IL10RB: variants seen among roughly 807,000 people sequenced by gnomAD.
The protein encoded by IL10RB is interleukin 10 receptor subunit beta.
In IL10RB, 30 loss-of-function variants were observed where a neutral mutation model predicts 38.7. That is an observed-to-expected ratio of 0.78 (90% CI 0.58 to 1.05). The LOEUF (loss-of-function observed/expected upper bound fraction) is 1.05, where lower values mean the gene tolerates loss of function less well. Ranked by LOEUF, IL10RB falls within the 50% of genes least tolerant of loss-of-function variation. The pLI, the probability that IL10RB is intolerant of heterozygous loss-of-function variation, is 0.00. For synonymous variants in IL10RB, 142 were observed against 145.9 expected, an observed-to-expected ratio of 0.97 and a Z score of 0.19; for missense variants, 328 against 397.1, an observed-to-expected ratio of 0.83 and a Z score of 1.48.
chr21:33,296,347 C>G lies in IL10RB; in HGVS notation c.968C>G (p.Pro323Arg), dbSNP rs746785015. Residue 323 changes from proline (P) to arginine (R), a missense_variant, in exon 7 of 7, where the codon CCC (proline) becomes CGC (arginine). Pro to Arg is a moderately radical substitution (Grantham distance 103, BLOSUM62 -2). Transcript: ENST00000290200. ...CTCGGGACCCCGCCTGGGCAGGGGCCCCAAAGCTAGGCTCTGAGAAGGAAA... is the reference window on the plus strand; with the variant it reads ...CTCGGGACCCCGCCTGGGCAGGGGCGCCAAAGCTAGGCTCTGAGAAGGAAA... ...CSLGTPPGQG[P>R]QS 1.2e-6 allele frequency: 2 copies of G among 1,613,562 alleles called. No homozygotes were observed. Among genetic ancestry groups the G allele is most frequent in the Non-Finnish European group, 1.7e-6 (2 of 1,179,974 alleles).
At chr21:33,267,520 T>G (rs1198314402) in intron 1 of IL10RB, among the ~76,000 whole-genome samples, 2 of 143,748 alleles carry the variant, frequency 1.4e-5, no homozygotes, top group Non-Finnish European at 3.1e-5. Flanking sequence ...GTTTTTTTGT[T>G]TTTTTTTGAG....
intron 6 of IL10RB, among the ~76,000 whole-genome samples, chr21:33,289,661 A>G (rs1989446528): frequency 6.6e-6 from 1 of 152,170 alleles, no homozygotes; most frequent in Non-Finnish European, 1.5e-5. Flanking sequence ...CCACTGTGAT[A>G]CAGTGGTGAC....
chr21:33,307,884 G>A (rs1239235532), intron 1 of IL10RB, among the ~76,000 whole-genome samples: 1 of 152,122 alleles, frequency 6.6e-6, no homozygotes, highest in Non-Finnish European at 1.5e-5. Flanking sequence ...CTCCAGGAGA[G>A]CACAGACATT....
intron 6 of IL10RB, 126 bp downstream of exon 6, chr21:33,288,387 A>G (rs939119900): frequency 8.7e-6 from 6 of 688,520 alleles, no homozygotes; most frequent in South Asian, 4.5e-5. Flanking sequence ...GCGCGCACAC[A>G]CACACACACA....
At chr21:33,274,394 G>A (rs1047961756) in intron 2 of IL10RB, among the ~76,000 whole-genome samples, 5 of 151,962 alleles carry the variant, frequency 3.3e-5, no homozygotes, top group Non-Finnish European at 4.4e-5. Flanking sequence ...GGCTGGTCTC[G>A]AACTCCTGAC....
At chr21:33,304,013 A>C (rs1400569788) in intron 1 of IL10RB, among the ~76,000 whole-genome samples, 5 of 152,154 alleles carry the variant, frequency 3.3e-5, no homozygotes, top group Non-Finnish European at 7.4e-5. Context: ...AAGTGAGCCC[A>C]CCTGACCAGG....
chr21:33,284,596 T>A (rs1989340528), intron 5 of IL10RB, among the ~76,000 whole-genome samples: 1 of 152,138 alleles, frequency 6.6e-6, no homozygotes, highest in African/African-American at 2.4e-5. Flanking sequence ...TGAAATGTAA[T>A]CCCCAGTGCT....
chr21:33,299,509 C>T (rs779310650), downstream of IL10RB, among the ~76,000 whole-genome samples: 3 of 152,216 alleles, frequency 2.0e-5, no homozygotes, highest in Admixed American at 6.5e-5. Flanking sequence ...CTGGCTGCCT[C>T]GCCTTGTTGA....
intron 5 of IL10RB, among the ~76,000 whole-genome samples, chr21:33,285,529 C>G (rs1423888905): frequency 6.6e-6 from 1 of 152,126 alleles, no homozygotes; most frequent in Admixed American, 6.5e-5. Flanking sequence ...TCTCCTGCCC[C>G]CTGTGGAACT....
At chr21:33,273,653 G>A (rs963996756) in intron 2 of IL10RB, among the ~76,000 whole-genome samples, 10 of 152,126 alleles carry the variant, frequency 6.6e-5, no homozygotes, top group African/African-American at 2.4e-4. Context: ...GATGCTGTTC[G>A]GTAGCATTTT....
At chr21:33,287,205 G>A (rs1434366608) in intron 5 of IL10RB, among the ~76,000 whole-genome samples, 1 of 152,238 alleles carries the variant, frequency 6.6e-6, no homozygotes, top group East Asian at 1.9e-4. Flanking sequence ...AGAGGTCAAG[G>A]CCTCGCATCA....
At chr21:33,269,926 G>A (rs1035423348) in intron 2 of IL10RB, among the ~76,000 whole-genome samples, 2 of 152,162 alleles carry the variant, frequency 1.3e-5, no homozygotes, top group African/African-American at 4.8e-5. Context: ...CCGAAGTGCT[G>A]GGATTACAGG....
chr21:33,296,206 A>G lies in IL10RB; in HGVS notation c.827A>G (p.Asn276Ser). 1 of 1,614,056 alleles carries G rather than the reference A, an allele frequency of 6.2e-7. No homozygotes were observed. Among genetic ancestry groups the G allele is most frequent in the Non-Finnish European group, 8.5e-7 (1 of 1,179,906 alleles). ...CAGTTTTTGGGCCATCCTCATCATA[A>G]CACACTTCTGTTTTTCTCCTTTCCA... ...LKEFLGHPHHNTLLFFSFPLS... is the reference protein window; with the variant it reads ...LKEFLGHPHHSTLLFFSFPLS... The change falls in exon 7 of 7, where the codon AAC becomes AGC. Residue 276 changes from asparagine (N) to serine (S), a missense_variant. Physicochemically the swap from Asn to Ser is conservative, Grantham distance 46. Coordinates refer to ENST00000290200, the MANE Select transcript of IL10RB (RefSeq NM_000628.5).
exon 2 of IL10RB, chr21:33,309,108 G>A (rs1417888433): frequency 1.3e-5 from 2 of 152,212 alleles, no homozygotes; most frequent in East Asian, 3.9e-4. Flanking sequence ...CAGTCCCAGA[G>A]ACAAATCTGC....
At chr21:33,307,160 G>A (rs929050234) in intron 1 of IL10RB, among the ~76,000 whole-genome samples, 11 of 152,094 alleles carry the variant, frequency 7.2e-5, no homozygotes, top group Admixed American at 3.9e-4. Context: ...GGAGACAAAC[G>A]TGACTGCATC....
Position 33,279,658 on chromosome 21 carries a change from C to T in IL10RB, c.332-94C>T, listed in dbSNP as rs8178491. On this transcript the variant is annotated intron_variant, in intron 3 of 6. Coordinates refer to ENST00000290200, the MANE Select transcript of IL10RB (RefSeq NM_000628.5). ...ATAGTATATCAAAGCAGTGTACTTC[C>T]GTGGACTAATTGTTCTGCATGGTTA... 9.2e-3 allele frequency: 9,641 copies of T among 1,045,720 alleles called. 451 individuals are homozygous for T. The African/African-American group carries it at 0.11, about 12-fold the overall frequency. 64.8% of individuals were successfully genotyped at this position (1,045,720 alleles called of 1,614,324 possible).
chr21:33,294,868 T>C (rs1042410395), intron 6 of IL10RB, among the ~76,000 whole-genome samples: 2 of 152,112 alleles, frequency 1.3e-5, no homozygotes. Context: ...TTTCAGGAAA[T>C]GTATAGGGGC....
intron 2 of IL10RB, among the ~76,000 whole-genome samples, chr21:33,271,531 C>G (rs1208587096): frequency 6.6e-6 from 1 of 152,012 alleles, no homozygotes; most frequent in Non-Finnish European, 1.5e-5. Context: ...GAGTTCGAGA[C>G]CAGCCTTACC....
intron 3 of IL10RB, among the ~76,000 whole-genome samples, chr21:33,276,966 A>G (rs1195810902): frequency 1.3e-5 from 2 of 152,210 alleles, no homozygotes; most frequent in African/African-American, 4.8e-5. Context: ...CAACAATTAA[A>G]TATAAATCTA....
Sources: gnomAD v4.1 joint callset for allele counts (sites outside exome capture counted in the v4.1 genomes callset) on GRCh38, gnomAD v4.1.1 for gene constraint, MANE v1.5 for transcripts, NCBI Gene and HGNC (gene_info 2026-07-23, HGNC 2026-07-21) for gene names.